TEX9: variants seen among roughly 807,000 people sequenced by gnomAD.
TEX9 encodes the protein testis-expressed protein 9.
TEX9 carries 74 observed loss-of-function variants against 59.6 expected under a neutral mutation model. The ratio of observed to expected loss-of-function variants is 1.24; its 90% CI spans 1.03 to 1.51. TEX9 has a LOEUF of 1.51. Ranked by LOEUF, TEX9 falls within the 40% of genes most tolerant of loss-of-function variation. The pLI, the probability that TEX9 is intolerant of heterozygous loss-of-function variation, is 0.00. For missense variants in TEX9, 522 were observed against 447.8 expected (o/e 1.17, Z -1.49); for synonymous variants, 186 against 152.2 (o/e 1.22, Z -1.64).
At chr15:56,327,054 C>T (rs755816994) in intron 1 of TEX9, among the ~76,000 whole-genome samples, 32 of 152,208 alleles carry the variant, frequency 2.1e-4, no homozygotes, top group Non-Finnish European at 3.8e-4. Flanking sequence ...AAATCATTAT[C>T]AAAATAATGA....
chr15:56,284,472 C>T (rs1379764288), intron 1 of TEX9, among the ~76,000 whole-genome samples: 2 of 151,468 alleles, frequency 1.3e-5, no homozygotes, highest in African/African-American at 4.9e-5. Context: ...TATGTGATAG[C>T]ATGTAAAAAT....
chr15:56,433,306 T>TGTG (rs563367499), intron 12 of TEX9, among the ~76,000 whole-genome samples: 1 of 152,124 alleles, frequency 6.6e-6, no homozygotes, highest in South Asian at 2.1e-4. Context: ...AAATACCTAA[T>TGTG]GCATGCAGGG....
chr15:56,247,517 G>A (rs1357491329), intron 1 of TEX9, among the ~76,000 whole-genome samples: 1 of 152,168 alleles, frequency 6.6e-6, no homozygotes, highest in African/African-American at 2.4e-5. Context: ...AGTAACATGA[G>A]CACTGGTGTG....
At chr15:56,260,805 G>A (rs934721588) in intron 1 of TEX9, among the ~76,000 whole-genome samples, 1 of 151,896 alleles carries the variant, frequency 6.6e-6, no homozygotes, top group African/African-American at 2.4e-5. Context: ...CCTGAAAGAG[G>A]TTATGTAGGA....
intron 12 of TEX9, among the ~76,000 whole-genome samples, chr15:56,436,244 A>G (rs1227607874): frequency 6.6e-6 from 1 of 152,198 alleles, no homozygotes; most frequent in Non-Finnish European, 1.5e-5. Flanking sequence ...AACAGAAATT[A>G]TAACAAACTG....
At chr15:56,331,062 C>A (rs1374557663) in intron 1 of TEX9, among the ~76,000 whole-genome samples, 1 of 152,062 alleles carries the variant, frequency 6.6e-6, no homozygotes, top group African/African-American at 2.4e-5. Flanking sequence ...CAAAGAAGGT[C>A]ATTATGTAAA....
chr15:56,398,782 T>C (rs1199134492), intron 9 of TEX9, among the ~76,000 whole-genome samples: 2 of 152,176 alleles, frequency 1.3e-5, no homozygotes, highest in African/African-American at 4.8e-5. Context: ...TTTTTTTCCC[T>C]TTGTATGGGG....
chr15:56,450,509 G>A (rs1404619084), downstream of TEX9, among the ~76,000 whole-genome samples: 1 of 152,076 alleles, frequency 6.6e-6, no homozygotes, highest in Admixed American at 6.6e-5. Flanking sequence ...ATTATACAAG[G>A]AATTGTCCTT....
intron 2 of TEX9, among the ~76,000 whole-genome samples, chr15:56,371,924 A>G (rs1327783323): frequency 6.6e-6 from 1 of 152,192 alleles, no homozygotes; most frequent in Non-Finnish European, 1.5e-5. Flanking sequence ...GTATCCCTTC[A>G]TGACTCACAT....
chr15:56,460,009 A>ATACATATATATATATAT, the TEX9 span, among the ~76,000 whole-genome samples: 1 of 26,406 alleles, frequency 3.8e-5, no homozygotes, highest in African/African-American at 1.5e-4. Flanking sequence ...AAAAAAAAAA[A>ATACATATATATATATAT]ATACATATAT....
In TEX9 at chr15:56,316,726, A is replaced by G. The variant is rs1360409744; in HGVS notation, c.-106-56715A>G. Among the ~76,000 whole-genome samples the G allele has an allele frequency of 3.3e-5, 5 of 152,276 alleles. No homozygotes were observed. The East Asian group carries it at 5.8e-4, about 18-fold the overall frequency. ...TTGTTTACCTAATCAAGCCTGGGCA[A>G]TGGTGGGCGCCCCTCCCCCAGCCTC... On this transcript the variant is annotated intron_variant, in intron 1 of 5. Coordinates refer to the TEX9 transcript ENST00000560827.
Position 56,391,260 on chromosome 15 carries a change from C to CT in TEX9, c.414dup (p.Asp139Ter). On this transcript the variant is annotated frameshift_variant, in exon 7 of 13. Coordinates refer to ENST00000352903, the Ensembl canonical transcript of TEX9. LOFTEE classifies it high-confidence loss of function. ...TTTTTTAGTGTTAAATTGAAATACT[C>CT]TGATGTCCAAACTGCCGACGATGTT... 3 of 1,567,268 alleles carry CT rather than the reference C, an allele frequency of 1.9e-6. No homozygotes were observed. Among genetic ancestry groups the CT allele is most frequent in the Non-Finnish European group, 2.6e-6 (3 of 1,161,238 alleles).
In TEX9 at chr15:56,428,598, T is replaced by G. The variant is rs2050443073; in HGVS notation, c.*29+125T>G. On this transcript the variant is annotated intron_variant, in intron 12 of 12. Coordinates refer to ENST00000352903, the Ensembl canonical transcript of TEX9. The stretch of plus-strand genomic sequence containing the variant: ...AATTCCCTTTTTAGATTTAGGAGAT[T>G]AGCTATTAGCTCTTTTTGAGTTGTT... The G allele has an allele frequency of 1.1e-5, 6 of 529,458 alleles. No individual in the cohort carries two copies. In the South Asian group the frequency reaches 2.1e-4, roughly 19 times the overall value. 32.8% of individuals were successfully genotyped at this position (529,458 alleles called of 1,614,324 possible).
At chr15:56,440,618 G>A (rs2050801186) in intron 12 of TEX9, among the ~76,000 whole-genome samples, 2 of 152,210 alleles carry the variant, frequency 1.3e-5, no homozygotes, top group South Asian at 4.1e-4. Flanking sequence ...CATGCCAATG[G>A]AATGTTACTC....
chr15:56,412,215 AATATGG>A, intron 9 of TEX9, 81 bp from the exon 10 acceptor site: 1 of 1,273,558 alleles, frequency 7.9e-7, no homozygotes, highest in Non-Finnish European at 1.1e-6. Context: ...GAAAGCAAGG[AATATGG>A]ATATGGAAGA....
chr15:56,276,922 G>C (rs2044683220), intron 1 of TEX9, among the ~76,000 whole-genome samples: 2 of 152,182 alleles, frequency 1.3e-5, no homozygotes, highest in African/African-American at 4.8e-5. Context: ...GATCAGTGAT[G>C]ATGAGCCTTT....
At chr15:56,306,402 A>G (rs1055827821) in intron 1 of TEX9, among the ~76,000 whole-genome samples, 1 of 152,280 alleles carries the variant, frequency 6.6e-6, no homozygotes, top group South Asian at 2.1e-4. Flanking sequence ...TGTGGTACCT[A>G]TACACAATGG....
At chr15:56,358,829 T>C (rs1426911157) in intron 1 of TEX9, among the ~76,000 whole-genome samples, 1 of 152,108 alleles carries the variant, frequency 6.6e-6, no homozygotes, top group Non-Finnish European at 1.5e-5. Context: ...TAGTGAGTGA[T>C]GTCTCATGAG....
intron 12 of TEX9, chr15:56,444,412 T>G: frequency 1.3e-6 from 2 of 1,564,690 alleles, no homozygotes; most frequent in Non-Finnish European, 1.7e-6. Flanking sequence ...AAGTAAACAT[T>G]TAGACATGTA....
Sources: allele counts gnomAD v4.1 joint callset (sites outside exome capture counted in the v4.1 genomes callset), GRCh38; gene constraint gnomAD v4.1.1; transcripts MANE v1.5; gene names NCBI Gene and HGNC (gene_info 2026-07-23, HGNC 2026-07-21).